NEMP2: variants seen among roughly 807,000 people sequenced by gnomAD.
NEMP2 encodes the protein UPF0571 transmembrane protein.
Under a neutral mutation model 54.2 loss-of-function variants are expected in NEMP2, and 53 were observed. That is an observed-to-expected ratio of 0.98 (90% CI 0.78 to 1.23). The LOEUF (loss-of-function observed/expected upper bound fraction) is 1.23. Among genes scored for constraint, NEMP2 ranks in the 50% most tolerant of loss-of-function variants. NEMP2 has a pLI of 0.00. For missense variants in NEMP2, 455 were observed against 511.3 expected (o/e 0.89, Z 1.06); for synonymous variants, 197 against 190.3 (o/e 1.04, Z -0.29).
chr2:190,604,293 T>C, the NEMP2 span, among the ~76,000 whole-genome samples: 1 of 152,230 alleles, frequency 6.6e-6, no homozygotes, highest in South Asian at 2.1e-4. The surrounding 1 kb of genome is among the most constrained non-coding windows in gnomAD (Gnocchi z 4.5). Context: ...AAAGGTGGTA[T>C]GGACTTTTTC....
Position 190,518,974 on chromosome 2 carries a change from ATAGT to A in NEMP2, c.419_422del (p.Asn140IlefsTer2). 1.9e-6 allele frequency: 3 copies of A among 1,551,062 alleles called. No homozygotes were observed. Among genetic ancestry groups the A allele is most frequent in the Non-Finnish European group, 2.6e-6 (3 of 1,146,540 alleles). ...TACTGTTTCGATTCACATGTATCAT[ATAGT>A]TAAATATCTTCTTGACAGGCTCCAC... On this transcript the variant is annotated frameshift_variant, in exon 3 of 9. Coordinates refer to ENST00000409150, the MANE Select transcript of NEMP2 (RefSeq NM_001142645.2). LOFTEE classifies it high-confidence loss of function.
At chr2:190,465,559 AAG>A in the NEMP2 span, among the ~76,000 whole-genome samples, 2 of 152,206 alleles carry the variant, frequency 1.3e-5, no homozygotes, top group Non-Finnish European at 2.9e-5. This position sits in a 1 kb window ranked among gnomAD's most constrained non-coding sequence, Gnocchi z 4.6. Context: ...CAGCATAAAA[AAG>A]AATTTGATTG....
the NEMP2 span, among the ~76,000 whole-genome samples, chr2:190,422,775 A>G: frequency 6.6e-6 from 1 of 151,952 alleles, no homozygotes; most frequent in Admixed American, 6.6e-5. Context: ...GAAATTTTAA[A>G]GTTTTCTTCC....
At chr2:190,534,785 C>G (rs1286772596), upstream of NEMP2, 6 of 617,986 alleles carry the variant, frequency 9.7e-6, no homozygotes, top group Non-Finnish European at 1.4e-5. Flanking sequence ...AGGCGGAGAC[C>G]CCGCCTCCCC....
chr2:190,642,028 T>C, the NEMP2 span, among the ~76,000 whole-genome samples: 6 of 152,374 alleles, frequency 3.9e-5, no homozygotes, highest in Non-Finnish European at 8.8e-5. This position sits in a 1 kb window ranked among gnomAD's most constrained non-coding sequence, Gnocchi z 4.1. Context: ...CTGCCTAATA[T>C]ACTTTTCTGC....
chr2:190,648,065 C>CA, the NEMP2 span, among the ~76,000 whole-genome samples: 1 of 152,054 alleles, frequency 6.6e-6, no homozygotes, highest in Non-Finnish European at 1.5e-5. Flanking sequence ...TTATGCAAAC[C>CA]AAAAAATTCT....
chr2:190,431,689 C>A, the NEMP2 span, among the ~76,000 whole-genome samples: 2 of 142,078 alleles, frequency 1.4e-5, 1 homozygote, highest in African/African-American at 4.9e-5. This position sits in a 1 kb window ranked among gnomAD's most constrained non-coding sequence, Gnocchi z 4.4. Context: ...TCAGGGAGAC[C>A]GTGGAAAGAG....
rs1433658613 is a variant in NEMP2 at position 190,527,856 on chromosome 2, G to T, written c.98-2478C>A. Among the ~76,000 whole-genome samples the T allele has an allele frequency of 6.6e-6, 1 of 152,090 alleles. No homozygotes were observed. The highest frequency in any genetic ancestry group is 1.5e-5 in the Non-Finnish European group (1 of 68,014). On this transcript the variant is annotated intron_variant, in intron 1 of 8. Coordinates refer to ENST00000409150, the MANE Select transcript of NEMP2 (RefSeq NM_001142645.2). This position sits in a 1 kb window ranked among gnomAD's most constrained non-coding sequence, Gnocchi z 4.0. ...GGGATCTAGGTTGCATGCTTGTTAT[G>T]ATAATCTAACTAATGCCTGATGATC...
the NEMP2 span, among the ~76,000 whole-genome samples, chr2:190,597,199 A>G: frequency 6.6e-6 from 1 of 150,774 alleles, no homozygotes; most frequent in South Asian, 2.1e-4. This position sits in a 1 kb window ranked among gnomAD's most constrained non-coding sequence, Gnocchi z 4.7. Flanking sequence ...TGGGGAGTTG[A>G]GGCTGCAGTG....
the NEMP2 span, among the ~76,000 whole-genome samples, chr2:190,461,160 A>G: frequency 6.6e-6 from 1 of 152,238 alleles, no homozygotes; most frequent in Non-Finnish European, 1.5e-5. The surrounding 1 kb of genome is among the most constrained non-coding windows in gnomAD (Gnocchi z 5.5). Flanking sequence ...TTTTGAAGCC[A>G]AAATAGAAAC....
chr2:190,607,896 C>T, the NEMP2 span: 1 of 152,168 alleles, frequency 6.6e-6, no homozygotes. This position sits in a 1 kb window ranked among gnomAD's most constrained non-coding sequence, Gnocchi z 5.2. Context: ...GTGGGCTTCC[C>T]TGGAAACAGA....
chr2:190,602,798 T>A, the NEMP2 span, among the ~76,000 whole-genome samples: 1 of 152,016 alleles, frequency 6.6e-6, no homozygotes, highest in Non-Finnish European at 1.5e-5. Context: ...GCAGGCAAAA[T>A]CAGGAGCTGT....
chr2:190,517,167 G>A (rs1690591460), intron 5 of NEMP2, among the ~76,000 whole-genome samples: 1 of 151,070 alleles, frequency 6.6e-6, no homozygotes. Context: ...TAGCAGTGCT[G>A]TTATTCAAGG....
chr2:190,482,961 G>A, the NEMP2 span, among the ~76,000 whole-genome samples: 2 of 129,132 alleles, frequency 1.5e-5, no homozygotes, highest in African/African-American at 5.8e-5. Context: ...GCGCAATCTC[G>A]GCTCACTGCA....
chr2:190,576,210 A>G, the NEMP2 span, among the ~76,000 whole-genome samples: 1 of 152,282 alleles, frequency 6.6e-6, no homozygotes, highest in Middle Eastern at 3.4e-3. Flanking sequence ...GTCTCAAGCA[A>G]TCCTTCTGCC....
chr2:190,526,372 G>A (rs1169681547), intron 1 of NEMP2, among the ~76,000 whole-genome samples: 7 of 126,018 alleles, frequency 5.6e-5, no homozygotes, highest in Admixed American at 7.8e-5. Flanking sequence ...GGCACTAAGC[G>A]GGGAAGAGAA....
the NEMP2 span, among the ~76,000 whole-genome samples, chr2:190,597,032 C>T: frequency 6.6e-6 from 1 of 152,036 alleles, no homozygotes; most frequent in Admixed American, 6.6e-5. The surrounding 1 kb of genome is among the most constrained non-coding windows in gnomAD (Gnocchi z 4.7). Flanking sequence ...GAAGCTGAGG[C>T]AGGGAGATAG....
At chr2:190,547,319 T>TTTATAAGATGAAACACCATCTTA in the NEMP2 span, among the ~76,000 whole-genome samples, 1 of 152,224 alleles carries the variant, frequency 6.6e-6, no homozygotes, top group South Asian at 2.1e-4. The surrounding 1 kb of genome is among the most constrained non-coding windows in gnomAD (Gnocchi z 6.2). Flanking sequence ...AATCTGAAAC[T>TTTATAAGATGAAACACCATCTTA]TTATGGTGAC....
the NEMP2 span, among the ~76,000 whole-genome samples, chr2:190,591,309 G>A: frequency 1.3e-5 from 2 of 152,160 alleles, no homozygotes; most frequent in African/African-American, 4.8e-5. This position sits in a 1 kb window ranked among gnomAD's most constrained non-coding sequence, Gnocchi z 5.4. Context: ...GCTCAAATCA[G>A]AGTTGCCTAA....
Sources: gnomAD v4.1 joint callset for allele counts (sites outside exome capture counted in the v4.1 genomes callset) on GRCh38, gnomAD v4.1.1 for gene constraint, Gnocchi (gnomAD v3.1) non-coding constraint, MANE v1.5 for transcripts, NCBI Gene and HGNC (gene_info 2026-07-23, HGNC 2026-07-21) for gene names.